SYNE2: variants seen among roughly 807,000 people sequenced by gnomAD.
SYNE2 encodes the protein spectrin repeat containing nuclear envelope protein 2.
In SYNE2, 431 loss-of-function variants were observed where a neutral mutation model predicts 856.3. The ratio of observed to expected loss-of-function variants is 0.50; its 90% confidence interval spans 0.47 to 0.55. The LOEUF (loss-of-function observed/expected upper bound fraction) is 0.55, where lower values mean the gene tolerates loss of function less well. Ranked by LOEUF, SYNE2 falls within the 20% of genes least tolerant of loss-of-function variation. The pLI, the probability that SYNE2 is intolerant of heterozygous loss-of-function variation, is 0.00. For missense variants in SYNE2, 8,129 were observed against 8,023.2 expected (o/e 1.01, Z -0.50); for synonymous variants, 2,923 against 2,872.3 (o/e 1.02, Z -0.56).
intron 6 of SYNE2, among the ~76,000 whole-genome samples, chr14:63,946,776 CTT>C (rs2096038140): frequency 6.6e-6 from 1 of 151,290 alleles, no homozygotes; most frequent in Non-Finnish European, 1.5e-5. Flanking sequence ...CTTTTTCAAT[CTT>C]TTAATGAAGA....
At chr14:63,924,538 CAAT>C (rs1433652058) in intron 2 of SYNE2, among the ~76,000 whole-genome samples, 2 of 152,106 alleles carry the variant, frequency 1.3e-5, no homozygotes, top group Non-Finnish European at 2.9e-5. Context: ...TTTCTTTCAA[CAAT>C]GTTTTGTAGT....
chr14:64,172,267 C>T (rs372771856), intron 94 of SYNE2, among the ~76,000 whole-genome samples: 9 of 152,310 alleles, frequency 5.9e-5, no homozygotes, highest in East Asian at 3.9e-4. Context: ...CATTCTGTCT[C>T]GTCATTCTTG....
intron 95 of SYNE2, among the ~76,000 whole-genome samples, chr14:64,176,059 A>C (rs937090777): frequency 6.6e-6 from 1 of 152,206 alleles, no homozygotes; most frequent in African/African-American, 2.4e-5. Context: ...ATTGCTACAC[A>C]AGTGGCCTCC....
intron 2 of SYNE2, among the ~76,000 whole-genome samples, chr14:63,910,526 G>A (rs948973320): frequency 1.3e-5 from 2 of 152,190 alleles, no homozygotes; most frequent in African/African-American, 4.8e-5. Flanking sequence ...TGAATATTCA[G>A]ATGTAGATGG....
At chr14:64,190,545 C>CTAGCAGAATTTG (rs1567598282) in intron 99 of SYNE2, 2 of 685,516 alleles carry the variant, frequency 2.9e-6, no homozygotes, top group African/African-American at 3.6e-5. Context: ...AATTCTGCCT[C>CTAGCAGAATTTG]TGTGTTAGCA....
intron 1 of SYNE2, among the ~76,000 whole-genome samples, chr14:63,788,749 C>G (rs188356205): frequency 6.6e-6 from 1 of 152,316 alleles, no homozygotes; most frequent in Admixed American, 6.5e-5. Context: ...ACATAATGTT[C>G]GTACACTGAT....
chr14:64,178,328 A>G (rs773733156), intron 96 of SYNE2, among the ~76,000 whole-genome samples: 32 of 152,264 alleles, frequency 2.1e-4, no homozygotes, highest in Admixed American at 1.6e-3. Flanking sequence ...TAAAAAGTAT[A>G]CACACAGTTC....
At chr14:63,913,271 C>T (rs2095494806) in intron 2 of SYNE2, among the ~76,000 whole-genome samples, 1 of 151,732 alleles carries the variant, frequency 6.6e-6, no homozygotes, top group Non-Finnish European at 1.5e-5. Flanking sequence ...TTTATGTTTT[C>T]TGCATTTAGT....
At chr14:63,872,761 CAAAAAAA>C (rs36125169) in intron 1 of SYNE2, among the ~76,000 whole-genome samples, 1 of 87,770 alleles carries the variant, frequency 1.1e-5, no homozygotes, top group African/African-American at 4.6e-5. Context: ...GACTCTGCCT[CAAAAAAA>C]AAAAAAAAAA....
In SYNE2 at chr14:64,062,587, TA is replaced by T. The variant is rs757579914; in HGVS notation, c.10068-159del. ...ACCCATATGCAGGTCCCTTTGGGAA[TA>T]AAAACTTCTTGGAAAACATTTTAAA... On this transcript the variant is annotated intron_variant, in intron 49 of 115. Coordinates refer to ENST00000555002, the MANE Select transcript of SYNE2 (RefSeq NM_182914.3). 1.3e-3 allele frequency among the ~76,000 whole-genome samples: 204 copies of T among 152,206 alleles called. 6 individuals are homozygous for T. Among genetic ancestry groups the T allele is most frequent in the Non-Finnish European group, 2.5e-4 (17 of 68,028 alleles).
chr14:64,176,050 T>C (rs1351846491), intron 95 of SYNE2, among the ~76,000 whole-genome samples: 5 of 152,342 alleles, frequency 3.3e-5, no homozygotes, highest in African/African-American at 1.2e-4. Flanking sequence ...ATAGTTAATA[T>C]TGCTACACAA....
Position 64,002,734 on chromosome 14 carries a change from C to T in SYNE2, c.3801C>T (p.Ser1267=), listed in dbSNP as rs764160561. ...IYQHLRNIQD[S]IAKQIEICNR... Reference sequence around the variant, plus strand: ...CTTTATTTTAGAATATCCAAGATTCCATAGCAAAACAGATTGAAATATGTA... The same window carrying T: ...CTTTATTTTAGAATATCCAAGATTCTATAGCAAAACAGATTGAAATATGTA... Residue 1267 remains serine (S), a synonymous_variant, in exon 30 of 116, where the codon TCC becomes TCT. Transcript: ENST00000555002. 3.1e-6 allele frequency: 5 copies of T among 1,612,012 alleles called. No homozygotes were observed. In the African/African-American group the frequency reaches 6.7e-5, roughly 22 times the overall value.
Position 64,143,837 on chromosome 14 carries a change from G to C in SYNE2, c.15372G>C (p.Gln5124His). 1 of 1,614,224 alleles carries C rather than the reference G, an allele frequency of 6.2e-7. No homozygotes were observed. Among genetic ancestry groups the C allele is most frequent in the Non-Finnish European group, 8.5e-7 (1 of 1,180,038 alleles). Residue 5124 changes from glutamine to histidine, a missense_variant, in exon 83 of 116, where the codon CAG (glutamine) becomes CAC (histidine). Physicochemically the swap from Gln to His is conservative, Grantham distance 24. Coordinates refer to ENST00000555002, the MANE Select transcript of SYNE2 (RefSeq NM_182914.3). ...IVDFVNQSLL[Q>H]LSTCDVESKR... is the part of the protein sequence containing the mutation. ...ACTTCGTTAACCAGTCATTACTTCA[G>C]CTAAGCACCTGTGATGTAGAAAGCA... is the stretch of plus-strand genomic sequence containing the variant.
At chr14:64,055,394 A>C (rs1048126499) in intron 48 of SYNE2, among the ~76,000 whole-genome samples, 9 of 127,960 alleles carry the variant, frequency 7.0e-5, no homozygotes, top group Non-Finnish European at 9.4e-5. Flanking sequence ...TTTGAGATGG[A>C]CTCTCACTCT....
chr14:64,021,992 A>G lies in SYNE2; in HGVS notation c.5488A>G (p.Ser1830Gly). The G allele has an allele frequency of 1.9e-6, 3 of 1,613,834 alleles. No homozygotes were observed. The highest frequency in any genetic ancestry group is 2.5e-6 in the Non-Finnish European group (3 of 1,179,860). ...SVSDLFNTKK[S>G]VLQDHFSKLL... ...CAGTGATTTATTTAATACCAAAAAA[A>G]GTGTTTTGCAAGATCACTTTTCTAA... is the stretch of plus-strand genomic sequence containing the variant. The change falls in exon 37 of 116, where the codon AGT becomes GGT. Residue 1830 changes from serine (S) to glycine (G), a missense_variant. By Grantham distance (56) the Ser-to-Gly change is moderately conservative. This residue lies in a region of SYNE2 where 2,422 missense variants were observed against 2,357.4 expected (regional missense o/e 1.03). Transcript: ENST00000555002.
chr14:64,145,950 T>A, intron 83 of SYNE2, 118 bp from the exon 84 acceptor site: 1 of 666,960 alleles, frequency 1.5e-6, no homozygotes, highest in Non-Finnish European at 2.4e-6. Flanking sequence ...AGCATCTTAT[T>A]ACATGAAATA....
intron 102 of SYNE2, 107 bp from the exon 103 acceptor site, chr14:64,209,835 C>A: frequency 6.8e-7 from 1 of 1,467,484 alleles, no homozygotes. Context: ...GCTGCCATTG[C>A]AGTTTGGGGA....
Position 63,967,768 on chromosome 14 carries a change from G to T in SYNE2, c.1050G>T (p.Leu350=), listed in dbSNP as rs754252042. ...NEEKKSFLDV[L]SIKRDLDELD... is the part of the protein sequence containing the mutation. ...AAAAAAAGTCCTTTTTGGATGTCCT[G>T]TCAATAAAACGGGATCTGGATGAGC... The change falls in exon 11 of 116, where the codon CTG becomes CTT. Residue 350 remains leucine (L), a synonymous_variant. Coordinates refer to ENST00000555002, the MANE Select transcript of SYNE2 (RefSeq NM_182914.3). 1 of 1,614,102 alleles carries T rather than the reference G, an allele frequency of 6.2e-7. No individual in the cohort carries two copies. Among genetic ancestry groups the T allele is most frequent in the Non-Finnish European group, 8.5e-7 (1 of 1,179,950 alleles).
At position 64,021,279 on chromosome 14, in the gene SYNE2, G is replaced by T. The variant is rs2096933960; in HGVS notation, c.5152-36G>T. 3.3e-6 allele frequency: 5 copies of T among 1,518,216 alleles called. No homozygotes were observed. The South Asian group carries it at 5.6e-5, about 17-fold the overall frequency. The allele number at this position is 1,518,216 out of a possible 1,614,324, so 94.0% of individuals were successfully genotyped here. ...GTTGTCTTAAATCTAGTTAAATAAT[G>T]ACTGTTATACAACTTCATATATTTC... On this transcript the variant is annotated intron_variant, in intron 35 of 115. Transcript: ENST00000555002.
Sources: gnomAD v4.1 joint callset for allele counts (sites outside exome capture counted in the v4.1 genomes callset) on GRCh38, gnomAD v4.1.1 for gene constraint, gnomAD v4.1.1 regional missense constraint, MANE v1.5 for transcripts, NCBI Gene and HGNC (gene_info 2026-07-23, HGNC 2026-07-21) for gene names.